Variants in SUGT1 observed in about 807,000 individuals in gnomAD.
SUGT1 encodes protein SGT1 homolog.
A neutral mutation model predicts 56.1 loss-of-function variants in SUGT1; 15 were observed. That is an observed-to-expected ratio of 0.27 (90% CI 0.18 to 0.41). The LOEUF is 0.41. Among genes scored for constraint, SUGT1 ranks in the 10% least tolerant of loss-of-function variants. SUGT1 has a pLI of 1.00. For synonymous variants in SUGT1, 123 were observed against 128.6 expected, an observed-to-expected ratio of 0.96 and a Z score of 0.30; for missense variants, 347 against 382.2, an observed-to-expected ratio of 0.91 and a Z score of 0.77.
rs963496823 is a variant in SUGT1, at chr13:52,697,671, T to G, written c.*9836T>G. The G allele has an allele frequency of 1.3e-5, 2 of 152,212 alleles. No individual in the cohort carries two copies. Among genetic ancestry groups the G allele is most frequent in the African/African-American group, 4.8e-5 (2 of 41,454 alleles). The allele number at this position is 152,212 out of a possible 1,614,324, so 9.4% of individuals were successfully genotyped here. On this transcript the variant is annotated 3_prime_UTR_variant, in exon 13 of 13. Coordinates refer to ENST00000310528, the MANE Select transcript of SUGT1 (RefSeq NM_006704.5). ...ATCAACACCGTTGAGGCCCTTCAAG[T>G]CTTTGCAGTCAAAAGCCATACACTT...
chr13:52,671,102 G>T (rs976074771), intron 10 of SUGT1, among the ~76,000 whole-genome samples: 1 of 151,662 alleles, frequency 6.6e-6, no homozygotes, highest in Non-Finnish European at 1.5e-5. Context: ...ATAATGGAAT[G>T]GGGTATCTGG....
At chr13:52,683,310 T>C (rs1401134785) in intron 12 of SUGT1, among the ~76,000 whole-genome samples, 1 of 152,234 alleles carries the variant, frequency 6.6e-6, no homozygotes, top group Non-Finnish European at 1.5e-5. Context: ...AATTTTTTTA[T>C]CATTAACTTT....
Position 52,694,242 on chromosome 13 carries a change from A to G in SUGT1, c.*6407A>G, listed in dbSNP as rs1288114013. 6.6e-6 allele frequency: 1 copy of G among 152,240 alleles called. No individual in the cohort carries two copies. Among genetic ancestry groups the G allele is most frequent in the African/African-American group, 2.4e-5 (1 of 41,464 alleles). 9.4% of individuals were successfully genotyped at this position (152,240 alleles called of 1,614,324 possible). ...TGCTTCATGTGACAGATAACATCAG[A>G]TGATCCTAGGCTGGAAGGTGGAAAT... On this transcript the variant is annotated 3_prime_UTR_variant, in exon 13 of 13. Coordinates refer to ENST00000310528, the MANE Select transcript of SUGT1 (RefSeq NM_006704.5).
intron 10 of SUGT1, among the ~76,000 whole-genome samples, chr13:52,670,856 A>G (rs536984359): frequency 3.9e-5 from 6 of 152,208 alleles, no homozygotes; most frequent in African/African-American, 1.4e-4. Flanking sequence ...TTTGGGGTGA[A>G]TTTGCCCTTG....
At position 52,696,868 on chromosome 13, in the gene SUGT1, T is replaced by C. The variant is rs1963948833; in HGVS notation, c.*9033T>C. 1 of 150,956 alleles carries C rather than the reference T, an allele frequency of 6.6e-6. No homozygotes were observed. The highest frequency in any genetic ancestry group is 1.5e-5 in the Non-Finnish European group (1 of 67,800). 9.4% of individuals were successfully genotyped at this position (150,956 alleles called of 1,614,324 possible). A position where few individuals can be genotyped will look rare whatever the true frequency, so the allele number is the denominator to read the frequency against. On this transcript the variant is annotated 3_prime_UTR_variant, in exon 13 of 13. Coordinates refer to ENST00000310528, the MANE Select transcript of SUGT1 (RefSeq NM_006704.5). ...CTAATTTTAACTACATTGTTAGAGGTAGTAACAGTTATATAACTAATCAAA... is the reference window on the plus strand; with the variant it reads ...CTAATTTTAACTACATTGTTAGAGGCAGTAACAGTTATATAACTAATCAAA...
chr13:52,687,658 T>G, intron 12 of SUGT1, 76 bp from the exon 13 acceptor site: 1 of 1,206,232 alleles, frequency 8.3e-7, no homozygotes, highest in South Asian at 1.8e-5. Flanking sequence ...GGCTCTATGC[T>G]TGGAACATTT....
intron 9 of SUGT1, among the ~76,000 whole-genome samples, chr13:52,666,037 G>T (rs1264219217): frequency 6.6e-6 from 1 of 152,168 alleles, no homozygotes; most frequent in Non-Finnish European, 1.5e-5. Context: ...AGTTAGTTTT[G>T]TGATCACACA....
rs141029974 is a variant in SUGT1, at chr13:52,695,640, A to G, written c.*7805A>G. On this transcript the variant is annotated 3_prime_UTR_variant, in exon 13 of 13. Coordinates refer to ENST00000310528, the MANE Select transcript of SUGT1 (RefSeq NM_006704.5). ...GTCTGGCATTTACCTGCTATTCAAG[A>G]GTTTTCAGAATTCAACCCCAGCCAA... The G allele has an allele frequency of 2.7e-4, 41 of 152,258 alleles. No individual in the cohort carries two copies. Among genetic ancestry groups the G allele is most frequent in the African/African-American group, 9.9e-4 (41 of 41,534 alleles). 9.4% of individuals were successfully genotyped at this position (152,258 alleles called of 1,614,324 possible). A position where few individuals can be genotyped will look rare whatever the true frequency, so the allele number is the denominator to read the frequency against.
At position 52,697,680 on chromosome 13, in the gene SUGT1, T is replaced by A. The variant is rs1963976594; in HGVS notation, c.*9845T>A. On this transcript the variant is annotated 3_prime_UTR_variant, in exon 13 of 13. Coordinates refer to ENST00000310528, the MANE Select transcript of SUGT1 (RefSeq NM_006704.5). The stretch of plus-strand genomic sequence containing the variant: ...GTTGAGGCCCTTCAAGTCTTTGCAG[T>A]CAAAAGCCATACACTTTTTCTTTGA... The A allele has an allele frequency of 6.6e-6, 1 of 152,224 alleles. No individual in the cohort carries two copies. Among genetic ancestry groups the A allele is most frequent in the African/African-American group, 2.4e-5 (1 of 41,458 alleles). 9.4% of individuals were successfully genotyped at this position (152,224 alleles called of 1,614,324 possible). A position where few individuals can be genotyped will look rare whatever the true frequency, so the allele number is the denominator to read the frequency against.
intron 5 of SUGT1, among the ~76,000 whole-genome samples, chr13:52,659,810 ATATATTTTTTTTTTTTTTT>A (rs1962344118): frequency 4.6e-5 from 1 of 21,580 alleles, no homozygotes; most frequent in South Asian, 2.6e-3. Context: ...ATATATATAT[ATATATTTTTTTTTTTTTTT>A]TTTTTTTTTT....
chr13:52,672,195 C>T (rs1271014393), intron 10 of SUGT1, among the ~76,000 whole-genome samples: 1 of 152,178 alleles, frequency 6.6e-6, no homozygotes, highest in Non-Finnish European at 1.5e-5. Flanking sequence ...AGACTCACCA[C>T]TCAGATGACA....
At chr13:52,667,342 G>A (rs1034007947) in intron 10 of SUGT1, among the ~76,000 whole-genome samples, 1 of 151,780 alleles carries the variant, frequency 6.6e-6, no homozygotes, top group African/African-American at 2.4e-5. Context: ...TCTGCCTTTT[G>A]TTTTTTTTGT....
intron 10 of SUGT1, 61 bp downstream of exon 10, chr13:52,666,980 A>G: frequency 2.7e-6 from 3 of 1,106,092 alleles, no homozygotes; most frequent in East Asian, 4.8e-5. Context: ...ATACTGGTGA[A>G]CTAATCACCC....
chr13:52,667,506 T>G lies in SUGT1; in HGVS notation c.627+587T>G, dbSNP rs553017863. 3.3e-5 allele frequency among the ~76,000 whole-genome samples: 5 copies of G among 152,102 alleles called. No homozygotes were observed. In the South Asian group the frequency reaches 1.0e-3, roughly 32 times the overall value. Reference sequence around the variant, plus strand: ...ACTACAGGCATGCACCACCACGCCCTGCTTAATTTTTGTATTTTTAGTAGA... The same window carrying G: ...ACTACAGGCATGCACCACCACGCCCGGCTTAATTTTTGTATTTTTAGTAGA... On this transcript the variant is annotated intron_variant, in intron 10 of 12. Coordinates refer to ENST00000310528, the MANE Select transcript of SUGT1 (RefSeq NM_006704.5).
At chr13:52,674,388 T>C (rs1963062977) in intron 10 of SUGT1, among the ~76,000 whole-genome samples, 1 of 152,142 alleles carries the variant, frequency 6.6e-6, no homozygotes, top group South Asian at 2.1e-4. Flanking sequence ...ATGAAAACAG[T>C]CGTTTATTAC....
chr13:52,679,446 G>C (rs1963283184), intron 11 of SUGT1, among the ~76,000 whole-genome samples: 1 of 152,074 alleles, frequency 6.6e-6, no homozygotes, highest in Admixed American at 6.6e-5. Flanking sequence ...TTTTTGATGG[G>C]AGAGTATGGA....
intron 9 of SUGT1, among the ~76,000 whole-genome samples, chr13:52,666,138 T>C (rs1463620609): frequency 6.6e-6 from 1 of 152,224 alleles, no homozygotes; most frequent in African/African-American, 2.4e-5. Context: ...TAGGCTGGAG[T>C]GCAGTGGCGC....
intron 9 of SUGT1, 47 bp from the exon 10 acceptor site, chr13:52,666,765 C>G (rs1252197267): frequency 1.6e-6 from 2 of 1,252,290 alleles, no homozygotes; most frequent in South Asian, 1.2e-5. Context: ...TTTTTACCCT[C>G]CATTATATAC....
chr13:52,664,200 A>G, intron 8 of SUGT1, 143 bp downstream of exon 8: 1 of 773,126 alleles, frequency 1.3e-6, no homozygotes, highest in Middle Eastern at 3.5e-4. Flanking sequence ...AGCTTTATGT[A>G]AAGCCAATTT....
Sources: gnomAD v4.1 joint callset for allele counts (sites outside exome capture counted in the v4.1 genomes callset) on GRCh38, gnomAD v4.1.1 for gene constraint, MANE v1.5 for transcripts, NCBI Gene and HGNC (gene_info 2026-07-23, HGNC 2026-07-21) for gene names.